TP53I3: variants seen among roughly 807,000 people sequenced by gnomAD.
TP53I3 encodes tumor protein p53 inducible protein 3, also known as quinone oxidoreductase PIG3.
Under a neutral mutation model 27.7 loss-of-function variants are expected in TP53I3, and 32 were observed. The observed-to-expected ratio is 1.16, with a 90% CI of 0.87 to 1.55. The LOEUF is 1.55. TP53I3 is among the 40% of genes most tolerant of loss of function. The probability of loss-of-function intolerance (pLI) is 0.00; values close to 1 mark genes in which losing one functional copy is unlikely to be tolerated. For missense variants in TP53I3, 372 were observed against 412.3 expected (o/e 0.90, Z 0.85); for synonymous variants, 138 against 167.8 (o/e 0.82, Z 1.37).
Position 24,077,600 on chromosome 2 carries a change from G to A in TP53I3, c.978C>T (p.Ile326=), listed in dbSNP as rs758258385. 3.1e-6 allele frequency: 5 copies of A among 1,608,382 alleles called. No individual in the cohort carries two copies. Among genetic ancestry groups the A allele is most frequent in the Non-Finnish European group, 3.4e-6 (4 of 1,176,820 alleles). Residue 326 remains isoleucine (I), a synonymous_variant, in exon 5 of 5, where the codon ATC becomes ATT. Transcript: ENST00000238721. This position sits in a 1 kb window ranked among gnomAD's most constrained non-coding sequence, Gnocchi z 5.5. ...TCCTTCACTGGGGCAGTTCCAGGAC[G>A]ATCTTGCCTATGTTCTTGTTGGCCT... ...YMEANKNIGK[I]VLELPQ
chr2:24,079,328 T>A, intron 4 of TP53I3, 116 bp downstream of exon 4: 1 of 1,134,622 alleles, frequency 8.8e-7, no homozygotes, highest in African/African-American at 1.6e-5. Flanking sequence ...AGGGGGAGGT[T>A]TCTTCATAGA....
chr2:24,080,622 A>G lies in TP53I3; in HGVS notation c.619+197T>C, dbSNP rs80337893. On this transcript the variant is annotated intron_variant, in intron 3 of 4. Coordinates refer to ENST00000238721, the MANE Select transcript of TP53I3 (RefSeq NM_004881.5). The surrounding 1 kb of genome is among the most constrained non-coding windows in gnomAD (Gnocchi z 4.7). ...AATCTTATCTCTTGCAAGAATGCAC[A>G]TGGAAACCATCTTAGATTTAAATAT... The G allele has an allele frequency of 4.7e-5, 31 of 658,904 alleles. No homozygotes were observed. In the East Asian group the frequency reaches 5.2e-4, roughly 11 times the overall value. The allele number at this position is 658,904 out of a possible 1,614,324, so 40.8% of individuals were successfully genotyped here. A position where few individuals can be genotyped will look rare whatever the true frequency, so the allele number is the denominator to read the frequency against.
intron 4 of TP53I3, among the ~76,000 whole-genome samples, chr2:24,078,287 T>C (rs572775923): frequency 6.6e-6 from 1 of 152,198 alleles, no homozygotes; most frequent in East Asian, 1.9e-4. Context: ...TGTCTAAAAA[T>C]TACAAAAGCA....
Position 24,079,538 on chromosome 2 carries a change from A to G in TP53I3, c.722T>C (p.Met241Thr). ...GGGCCCATTGATGTCACCTCCTCCC[A>G]TCAGACCATAGAGAACCCATCGACC... ...LDGRWVLYGL[M>T]GGGDINGPLF... Residue 241 changes from methionine (M) to threonine (T), a missense_variant, in exon 4 of 5, where the codon ATG becomes ACG. Physicochemically the swap from Met to Thr is moderately conservative, Grantham distance 81. Coordinates refer to ENST00000238721, the MANE Select transcript of TP53I3 (RefSeq NM_004881.5). 1.2e-6 allele frequency: 2 copies of G among 1,614,130 alleles called. No homozygotes were observed. The highest frequency in any genetic ancestry group is 8.5e-7 in the Non-Finnish European group (1 of 1,180,028).
At chr2:24,082,491 T>C (rs1266049369) in intron 2 of TP53I3, among the ~76,000 whole-genome samples, 1 of 152,232 alleles carries the variant, frequency 6.6e-6, no homozygotes, top group Non-Finnish European at 1.5e-5. Flanking sequence ...CTGCACTGTC[T>C]AAAGGCAAGG....
rs1558362660 is a variant in TP53I3, at chr2:24,084,252, C to CG, written c.74dup (p.Glu27GlyfsTer3). 6.2e-7 allele frequency: 1 copy of CG among 1,614,016 alleles called. No individual in the cohort carries two copies. The highest frequency in any genetic ancestry group is 8.5e-7 in the Non-Finnish European group (1 of 1,180,014). On this transcript the variant is annotated frameshift_variant, in exon 1 of 5. Transcript: ENST00000238721. LOFTEE classifies it high-confidence loss of function. The surrounding 1 kb of genome is among the most constrained non-coding windows in gnomAD (Gnocchi z 8.4). ...CCTTCAGGAGGACTTCACCCTCCCCCGGGCTCGGCTTGGCCACCTCCTTCA... is the reference window on the plus strand; with the variant it reads ...CCTTCAGGAGGACTTCACCCTCCCCCGGGGCTCGGCTTGGCCACCTCCTTCA...
In TP53I3 at chr2:24,079,646, A is replaced by G; in HGVS notation, c.620-6T>C. ...AATAAGATTAACTCCAGCACCTTCC[A>G]TAGGAAACAGATTTGTGATGCTAGT... On this transcript the variant is annotated splice_polypyrimidine_tract_variant and splice_region_variant and intron_variant, in intron 3 of 4. Transcript: ENST00000238721. 6.2e-7 allele frequency: 1 copy of G among 1,612,650 alleles called. No homozygotes were observed. The highest frequency in any genetic ancestry group is 8.5e-7 in the Non-Finnish European group (1 of 1,179,028).
chr2:24,078,426 GCTGA>G (rs1335657433), intron 4 of TP53I3, among the ~76,000 whole-genome samples: 2 of 151,024 alleles, frequency 1.3e-5, no homozygotes, highest in Admixed American at 6.6e-5. Context: ...TACCCAGGAG[GCTGA>G]TTGTGCCATT....
Position 24,082,882 on chromosome 2 carries a change from C to T in TP53I3, c.406+3G>A. 1 of 1,599,682 alleles carries T rather than the reference C, an allele frequency of 6.3e-7. No individual in the cohort carries two copies. Among genetic ancestry groups the T allele is most frequent in the Non-Finnish European group, 8.5e-7 (1 of 1,171,356 alleles). On this transcript the variant is annotated splice_donor_region_variant and intron_variant, in intron 2 of 4. Transcript: ENST00000238721. ...TGTGGAGTGAGCATGGAGGCCTCCT[C>T]ACCCACAAGATGTAACAGCTGGAAG...
In TP53I3 at chr2:24,080,915, G is replaced by A; in HGVS notation, c.523C>T (p.Gln175Ter). Residue 175 changes from glutamine to a stop codon, truncating the protein, a stop_gained, in exon 3 of 5, where the codon CAG (glutamine) becomes TAG (stop). Coordinates refer to ENST00000238721, the MANE Select transcript of TP53I3 (RefSeq NM_004881.5). LOFTEE classifies it high-confidence loss of function. The surrounding 1 kb of genome is among the most constrained non-coding windows in gnomAD (Gnocchi z 4.7). ...TTTTCTGCCATTTGAAGCTTCTTCT[G>A]GGAGCCAGCTGTGACCAGAGGAATA... ...GAIPLVTAGSQKKLQMAEKLG... is the reference protein window; with the variant it reads ...GAIPLVTAGS 1 of 1,614,186 alleles carries A rather than the reference G, an allele frequency of 6.2e-7. No individual in the cohort carries two copies. The highest frequency in any genetic ancestry group is 8.5e-7 in the Non-Finnish European group (1 of 1,180,044).
chr2:24,084,273 C>G lies in TP53I3; in HGVS notation c.54G>C (p.Lys18Asn), dbSNP rs751570459. Reference protein sequence around the residue: ...KPGGPENLYVKEVAKPSPGEG... With the variant: ...KPGGPENLYVNEVAKPSPGEG... ...CCCCCGGGCTCGGCTTGGCCACCTCCTTCACGTAGAGGTTTTCCGGTCCTC... is the reference window on the plus strand; with the variant it reads ...CCCCCGGGCTCGGCTTGGCCACCTCGTTCACGTAGAGGTTTTCCGGTCCTC... Residue 18 changes from lysine (K) to asparagine (N), a missense_variant, in exon 1 of 5, where the codon AAG becomes AAC. Lys to Asn is a moderately conservative substitution (Grantham distance 94). Coordinates refer to ENST00000238721, the MANE Select transcript of TP53I3 (RefSeq NM_004881.5). This position sits in a 1 kb window ranked among gnomAD's most constrained non-coding sequence, Gnocchi z 8.4. 1 of 1,614,192 alleles carries G rather than the reference C, an allele frequency of 6.2e-7. No homozygotes were observed. Among genetic ancestry groups the G allele is most frequent in the Non-Finnish European group, 8.5e-7 (1 of 1,180,016 alleles).
chr2:24,077,518 T>A lies in TP53I3; in HGVS notation c.*61A>T, dbSNP rs1664802438. The A allele has an allele frequency of 6.6e-7, 1 of 1,525,580 alleles. No homozygotes were observed. Among genetic ancestry groups the A allele is most frequent in the African/African-American group, 1.4e-5 (1 of 71,756 alleles). 94.5% of individuals were successfully genotyped at this position (1,525,580 alleles called of 1,614,324 possible). ...TTTCTTGGCCTGTCTATTGTGAATC[T>A]TCTCCAGGTTTGCTCTGGAAAGGCC... On this transcript the variant is annotated 3_prime_UTR_variant, in exon 5 of 5. Transcript: ENST00000238721. The surrounding 1 kb of genome is among the most constrained non-coding windows in gnomAD (Gnocchi z 5.5).
intron 1 of TP53I3, among the ~76,000 whole-genome samples, chr2:24,083,947 C>T (rs573385895): frequency 6.6e-6 from 1 of 152,314 alleles, no homozygotes; most frequent in African/African-American, 2.4e-5. Flanking sequence ...GTTAGTTCCG[C>T]CCTCATCTGG....
In TP53I3 at chr2:24,080,811, T is replaced by C; in HGVS notation, c.619+8A>G. 6.2e-7 allele frequency: 1 copy of C among 1,614,066 alleles called. No individual in the cohort carries two copies. Among genetic ancestry groups the C allele is most frequent in the Non-Finnish European group, 8.5e-7 (1 of 1,179,952 alleles). The stretch of plus-strand genomic sequence containing the variant: ...AATTCCTGCTGAACTGTAGAAGCAG[T>C]TGTTTACCTTTGGTGAATTTCAGCG... On this transcript the variant is annotated splice_region_variant and intron_variant, in intron 3 of 4. Coordinates refer to ENST00000238721, the MANE Select transcript of TP53I3 (RefSeq NM_004881.5). The surrounding 1 kb of genome is among the most constrained non-coding windows in gnomAD (Gnocchi z 4.7).
chr2:24,079,982 T>C (rs925307847), intron 3 of TP53I3, among the ~76,000 whole-genome samples: 3 of 152,128 alleles, frequency 2.0e-5, no homozygotes, highest in Non-Finnish European at 2.9e-5. Context: ...GTTGTTCACA[T>C]AGAAGTTAGG....
At chr2:24,081,112 T>C in intron 2 of TP53I3, 81 bp from the exon 3 acceptor site, 2 of 1,082,374 alleles carry the variant, frequency 1.8e-6, no homozygotes, top group Non-Finnish European at 2.4e-6. Flanking sequence ...CAAGATCACC[T>C]GGCCGTTGCA....
At position 24,082,519 on chromosome 2, in the gene TP53I3, TC is replaced by T. The variant is rs573415518; in HGVS notation, c.406+365del. On this transcript the variant is annotated intron_variant, in intron 2 of 4. Coordinates refer to ENST00000238721, the MANE Select transcript of TP53I3 (RefSeq NM_004881.5). ...AGGCAAGGACCAAGTCTTCTTAGAT[TC>T]CCTTATGTGAGTTCTTGACTGGCCT... Among the ~76,000 whole-genome samples the T allele has an allele frequency of 7.9e-5, 12 of 152,330 alleles. No homozygotes were observed. In the South Asian group the frequency reaches 2.5e-3, roughly 32 times the overall value.
intron 2 of TP53I3, 53 bp downstream of exon 2, chr2:24,082,831 AT>A (rs1665064204): frequency 2.0e-6 from 3 of 1,532,170 alleles, no homozygotes; most frequent in Non-Finnish European, 1.8e-6. Context: ...AAGTTGGCTG[AT>A]TTATGAAGGT....
chr2:24,084,068 C>G lies in TP53I3; in HGVS notation c.138+121G>C. ...TGGGTTTAGGTCTGGGAAGCCCCAG[C>G]GCAGCTGCCTGCTGGGTGTGGAGCG... On this transcript the variant is annotated intron_variant, in intron 1 of 4. Transcript: ENST00000238721. The surrounding 1 kb of genome is among the most constrained non-coding windows in gnomAD (Gnocchi z 8.4). The G allele has an allele frequency of 7.1e-7, 1 of 1,413,330 alleles. No individual in the cohort carries two copies. Among genetic ancestry groups the G allele is most frequent in the South Asian group, 1.5e-5 (1 of 68,408 alleles). The allele number at this position is 1,413,330 out of a possible 1,614,324, so 87.5% of individuals were successfully genotyped here.
Sources: gnomAD v4.1 joint callset for allele counts (sites outside exome capture counted in the v4.1 genomes callset) on GRCh38, gnomAD v4.1.1 for gene constraint, Gnocchi (gnomAD v3.1) non-coding constraint, MANE v1.5 for transcripts, NCBI Gene and HGNC (gene_info 2026-07-23, HGNC 2026-07-21) for gene names.